SPON1: variants seen among roughly 807,000 people sequenced by gnomAD.
SPON1 encodes the protein spondin-1.
Under a neutral mutation model 111.7 loss-of-function variants are expected in SPON1, and 52 were observed. That is an observed-to-expected ratio of 0.47 (90% confidence interval 0.37 to 0.59). SPON1 has a LOEUF of 0.59. Among genes scored for constraint, SPON1 ranks in the 20% least tolerant of loss-of-function variants. The pLI is 0.00. For synonymous variants in SPON1, 410 were observed against 395.8 expected, an observed-to-expected ratio of 1.04 and a Z score of -0.43; for missense variants, 957 against 1,068.5, an observed-to-expected ratio of 0.90 and a Z score of 1.46.
intron 6 of SPON1, among the ~76,000 whole-genome samples, chr11:14,164,166 G>T (rs544547927): frequency 6.6e-6 from 1 of 152,172 alleles, no homozygotes; most frequent in Non-Finnish European, 1.5e-5. Context: ...AAAGAAATTC[G>T]TTTATCCACA....
intron 6 of SPON1, among the ~76,000 whole-genome samples, chr11:14,196,612 CTTTCACTGAAGTAGAACA>C (rs1300775953): frequency 6.6e-6 from 1 of 152,250 alleles, no homozygotes; most frequent in Non-Finnish European, 1.5e-5. Context: ...CACTTTCTCA[CTTTCACTGAAGTAGAACA>C]TGTCTAAAAT....
chr11:14,048,010 C>T (rs1217426674), intron 3 of SPON1, among the ~76,000 whole-genome samples: 2 of 152,026 alleles, frequency 1.3e-5, no homozygotes, highest in African/African-American at 2.4e-5. Context: ...GAGGCTGAGG[C>T]GGGCAGATCA....
At chr11:14,130,149 G>T (rs1041908568) in intron 5 of SPON1, among the ~76,000 whole-genome samples, 1 of 152,184 alleles carries the variant, frequency 6.6e-6, no homozygotes, top group Non-Finnish European at 1.5e-5. Flanking sequence ...TAAGGAATCA[G>T]CCCAAGCTCA....
intron 6 of SPON1, among the ~76,000 whole-genome samples, chr11:14,185,048 C>G (rs1848272213): frequency 6.6e-6 from 1 of 152,210 alleles, no homozygotes; most frequent in South Asian, 2.1e-4. Flanking sequence ...AGAAAGGTAA[C>G]CCTTCCAGAG....
intron 15 of SPON1, among the ~76,000 whole-genome samples, chr11:14,263,602 T>C (rs1379139039): frequency 6.6e-6 from 1 of 152,188 alleles, no homozygotes; most frequent in African/African-American, 2.4e-5. Flanking sequence ...AAATAACTAA[T>C]AGAACAATGC....
intron 6 of SPON1, among the ~76,000 whole-genome samples, chr11:14,161,270 TGTATATC>T (rs1554931276): frequency 2.9e-4 from 12 of 41,564 alleles, no homozygotes; most frequent in African/African-American, 8.4e-4. Context: ...TTTATATATC[TGTATATC>T]TATATATATT....
intron 5 of SPON1, among the ~76,000 whole-genome samples, chr11:14,129,926 T>C (rs1326115129): frequency 2.0e-5 from 3 of 151,560 alleles, no homozygotes; most frequent in African/African-American, 4.9e-5. Context: ...AACCATCAGA[T>C]CTCATGAGAA....
chr11:14,053,477 C>T (rs1200899251), intron 3 of SPON1, among the ~76,000 whole-genome samples: 2 of 152,194 alleles, frequency 1.3e-5, no homozygotes, highest in African/African-American at 4.8e-5. Context: ...TTTATCACTA[C>T]TTTATTCCTT....
rs1395544104 is a variant in SPON1, at chr11:14,160,804, A to T, written c.825+25236A>T. On this transcript the variant is annotated intron_variant, in intron 6 of 15. Transcript: ENST00000576479. ...TTTTTATATATATTTATATATTTTT[A>T]TATATATTTTTATATATATTTTATA... Among the ~76,000 whole-genome samples, 5 of 44,406 alleles carry T rather than the reference A, an allele frequency of 1.1e-4. 1 individual carries two copies. Among genetic ancestry groups the T allele is most frequent in the African/African-American group, 2.6e-4 (3 of 11,662 alleles). The allele number at this position is 44,406 out of a possible 152,430, so 29.1% of individuals were successfully genotyped here.
At chr11:14,221,441 C>G (rs1848679339) in intron 6 of SPON1, among the ~76,000 whole-genome samples, 1 of 152,188 alleles carries the variant, frequency 6.6e-6, no homozygotes, top group South Asian at 2.1e-4. Context: ...TGTCTTAATT[C>G]AAGGCCTAGG....
At chr11:13,974,226 C>T (rs1428633814) in intron 1 of SPON1, among the ~76,000 whole-genome samples, 2 of 152,144 alleles carry the variant, frequency 1.3e-5, no homozygotes, top group Non-Finnish European at 2.9e-5. Context: ...GTCTTTATAA[C>T]TCCATGTTAT....
intron 1 of SPON1, among the ~76,000 whole-genome samples, chr11:13,964,850 G>C (rs1381557264): frequency 2.0e-5 from 3 of 152,190 alleles, no homozygotes; most frequent in Non-Finnish European, 4.4e-5. Flanking sequence ...CTGAGGACCT[G>C]AGTTCACAGG....
At chr11:14,077,552 C>T (rs1403492243) in intron 4 of SPON1, among the ~76,000 whole-genome samples, 1 of 151,896 alleles carries the variant, frequency 6.6e-6, no homozygotes, top group Non-Finnish European at 1.5e-5. Context: ...CCTGCCTCAG[C>T]CTCCCGAGTA....
At chr11:14,170,754 T>C (rs1487174523) in intron 6 of SPON1, among the ~76,000 whole-genome samples, 4 of 152,224 alleles carry the variant, frequency 2.6e-5, no homozygotes, top group Non-Finnish European at 5.9e-5. Context: ...GAGATAATCA[T>C]GTGGCTTTTG....
At chr11:14,183,447 A>G (rs950679847) in intron 6 of SPON1, among the ~76,000 whole-genome samples, 9 of 152,212 alleles carry the variant, frequency 5.9e-5, no homozygotes, top group Non-Finnish European at 5.9e-5. Flanking sequence ...AGCAGACACA[A>G]TGTCTGGTTA....
chr11:14,142,929 A>C (rs1847673286), intron 6 of SPON1, among the ~76,000 whole-genome samples: 1 of 152,074 alleles, frequency 6.6e-6, no homozygotes, highest in African/African-American at 2.4e-5. Flanking sequence ...CCTCCTCCAC[A>C]CTGCCCCCAG....
At chr11:14,250,549 T>G (rs1354828331) in intron 7 of SPON1, among the ~76,000 whole-genome samples, 1 of 152,184 alleles carries the variant, frequency 6.6e-6, no homozygotes, top group African/African-American at 2.4e-5. Context: ...TTTATATTTC[T>G]ATCTTACCTG....
chr11:13,982,843 G>A lies in SPON1; in HGVS notation c.239-4G>A. On this transcript the variant is annotated splice_polypyrimidine_tract_variant and splice_region_variant and intron_variant, in intron 1 of 15. Coordinates refer to ENST00000576479, the MANE Select transcript of SPON1 (RefSeq NM_006108.4). ...TTAAAACCTGCTTTTTTCTCTCTCT[G>A]CAGTAACACTTTCAGCTGCTCCTCC... 1 of 1,544,622 alleles carries A rather than the reference G, an allele frequency of 6.5e-7. No homozygotes were observed. The highest frequency in any genetic ancestry group is 1.7e-4 in the Middle Eastern group (1 of 5,972).
intron 6 of SPON1, among the ~76,000 whole-genome samples, chr11:14,152,490 G>C (rs148267991): frequency 6.9e-4 from 105 of 152,332 alleles, no homozygotes; most frequent in Admixed American, 1.2e-3. Context: ...ACAGCTCTTG[G>C]AGAGCAGCTC....
Sources: gnomAD v4.1 joint callset for allele counts (sites outside exome capture counted in the v4.1 genomes callset) on GRCh38, gnomAD v4.1.1 for gene constraint, MANE v1.5 for transcripts, NCBI Gene and HGNC (gene_info 2026-07-23, HGNC 2026-07-21) for gene names.